PCDHA8: variants seen among roughly 807,000 people sequenced by gnomAD.
The protein encoded by PCDHA8 is protocadherin alpha-8.
Under a neutral mutation model 61.8 loss-of-function variants are expected in PCDHA8, and 53 were observed. The observed-to-expected ratio is 0.86, with a 90% CI of 0.69 to 1.08. PCDHA8 has a LOEUF of 1.08. Among genes scored for constraint, PCDHA8 ranks in the 50% least tolerant of loss-of-function variants. PCDHA8 has a pLI of 0.00. For synonymous variants in PCDHA8, 618 were observed against 556.6 expected, an observed-to-expected ratio of 1.11 and a Z score of -1.55; for missense variants, 1,293 against 1,245.0, an observed-to-expected ratio of 1.04 and a Z score of -0.58.
At chr5:140,851,092 A>T (rs371116217) in intron 1 of PCDHA8, 1 of 1,292,902 alleles carries the variant, frequency 7.7e-7, no homozygotes, top group African/African-American at 1.5e-5. Flanking sequence ...TATTAAATAG[A>T]TATTTTTTGG....
intron 1 of PCDHA8, among the ~76,000 whole-genome samples, chr5:140,907,240 A>G (rs563432322): frequency 5.3e-5 from 8 of 152,310 alleles, no homozygotes; most frequent in Admixed American, 5.2e-4. Context: ...CCTAGTTGAC[A>G]TTGTAATTGT....
At chr5:140,988,698 A>AT (rs782470160) in intron 3 of PCDHA8, among the ~76,000 whole-genome samples, 115 of 152,234 alleles carry the variant, frequency 7.6e-4, no homozygotes, top group Middle Eastern at 6.8e-3. Flanking sequence ...GACGCTCTGT[A>AT]TTTTCTTGGA....
intron 1 of PCDHA8, among the ~76,000 whole-genome samples, chr5:140,918,378 T>C (rs2078665832): frequency 6.6e-6 from 1 of 152,192 alleles, no homozygotes; most frequent in South Asian, 2.1e-4. Flanking sequence ...GGATGCCTTT[T>C]ATTTCTTTCT....
At position 140,851,093 on chromosome 5, in the gene PCDHA8, T is replaced by C. The variant is rs1043292821; in HGVS notation, c.2394+7378T>C. On this transcript the variant is annotated intron_variant, in intron 1 of 3. Coordinates refer to ENST00000531613, the MANE Select transcript of PCDHA8 (RefSeq NM_018911.3). Reference sequence around the variant, plus strand: ...AATTATAAACTGTATATTAAATAGATATTTTTTGGGTGCTGAATCAATTTT... The same window carrying C: ...AATTATAAACTGTATATTAAATAGACATTTTTTGGGTGCTGAATCAATTTT... 2 of 1,294,092 alleles carry C rather than the reference T, an allele frequency of 1.5e-6. 1 individual carries two copies. The highest frequency in any genetic ancestry group is 2.0e-6 in the Non-Finnish European group (2 of 996,006). The allele number at this position is 1,294,092 out of a possible 1,614,324, so 80.2% of individuals were successfully genotyped here.
rs371868883 is a variant in PCDHA8 at position 140,856,649 on chromosome 5, C to A, written c.2394+12934C>A. ...GCTTGTTCTGCGGAAGCTGCTGGAT[C>A]GTGAAGAAAATCCTCAGCTAAAGTT... On this transcript the variant is annotated intron_variant, in intron 1 of 3. Transcript: ENST00000531613. 8 of 1,598,072 alleles carry A rather than the reference C, an allele frequency of 5.0e-6. 2 individuals carry two copies. The African/African-American group carries it at 6.7e-5, about 13-fold the overall frequency.
intron 1 of PCDHA8, chr5:140,875,462 C>T (rs1333440854): frequency 6.3e-7 from 1 of 1,598,882 alleles, no homozygotes; most frequent in Non-Finnish European, 8.5e-7. Flanking sequence ...CAGAGGCCCT[C>T]ATTTTCTGCA....
intron 1 of PCDHA8, among the ~76,000 whole-genome samples, chr5:140,904,645 T>A (rs1554191647): frequency 6.6e-6 from 1 of 152,128 alleles, no homozygotes; most frequent in Non-Finnish European, 1.5e-5. Context: ...CTCCACACTG[T>A]TTTCCATAGT....
chr5:140,927,363 GAT>G (rs1188531316), intron 1 of PCDHA8: 33 of 1,613,946 alleles, frequency 2.0e-5, no homozygotes, highest in Non-Finnish European at 2.7e-5. Context: ...GAAGCAATGG[GAT>G]ACTAAGCTAC....
chr5:140,869,509 A>G (rs199564677), intron 1 of PCDHA8: 13 of 1,614,206 alleles, frequency 8.1e-6, no homozygotes, highest in Middle Eastern at 1.6e-4. Context: ...GTTCTCGCTC[A>G]GAGAACAAAA....
chr5:140,961,647 G>C (rs1204313600), intron 1 of PCDHA8, among the ~76,000 whole-genome samples: 10 of 152,104 alleles, frequency 6.6e-5, no homozygotes, highest in African/African-American at 2.4e-4. Flanking sequence ...AAGTCTATGT[G>C]GTTAGTTTGA....
At chr5:140,957,134 T>C (rs2095335911) in intron 1 of PCDHA8, among the ~76,000 whole-genome samples, 1 of 152,210 alleles carries the variant, frequency 6.6e-6, no homozygotes, top group Admixed American at 6.5e-5. Flanking sequence ...TACTACACTA[T>C]GAACTAAAAA....
chr5:140,883,494 T>C, intron 1 of PCDHA8: 1 of 1,614,208 alleles, frequency 6.2e-7, no homozygotes, highest in Non-Finnish European at 8.5e-7. Flanking sequence ...TCATTAGTGC[T>C]GGACAGCGCC....
intron 1 of PCDHA8, among the ~76,000 whole-genome samples, chr5:140,961,949 T>G (rs868952671): frequency 2.0e-5 from 3 of 151,876 alleles, no homozygotes; most frequent in Non-Finnish European, 4.4e-5. Context: ...AGTGGCATGA[T>G]CTCGGCTCAC....
At position 140,852,434 on chromosome 5, in the gene PCDHA8, C is replaced by T. The variant is rs2150516775; in HGVS notation, c.2394+8719C>T. On this transcript the variant is annotated intron_variant, in intron 1 of 3. Transcript: ENST00000531613. ...CTGGGATTATAGGCACATGCCACCG[C>T]GCCCAGCTAATTTTTGTATTTTTAG... 6.7e-4 allele frequency: 121 copies of T among 181,038 alleles called. 6 individuals carry two copies. The highest frequency in any genetic ancestry group is 3.4e-4 in the Admixed American group (5 of 14,894). The allele number at this position is 181,038 out of a possible 1,614,324, so 11.2% of individuals were successfully genotyped here. A position where few individuals can be genotyped will look rare whatever the true frequency, so the allele number is the denominator to read the frequency against.
intron 1 of PCDHA8, chr5:140,884,070 C>T: frequency 1.2e-6 from 2 of 1,613,516 alleles, no homozygotes; most frequent in Non-Finnish European, 1.7e-6. Context: ...GACGCCGATT[C>T]GGGCTACAAT....
intron 1 of PCDHA8, among the ~76,000 whole-genome samples, chr5:140,922,895 A>G (rs2153566398): frequency 6.6e-6 from 1 of 152,340 alleles, no homozygotes; most frequent in East Asian, 1.9e-4. Context: ...ATTCAAGAAA[A>G]AATTTTGAGA....
chr5:140,878,848 G>T (rs1477391344), intron 1 of PCDHA8, among the ~76,000 whole-genome samples: 1 of 152,138 alleles, frequency 6.6e-6, no homozygotes, highest in Non-Finnish European at 1.5e-5. Context: ...GAACTTCTGG[G>T]TTCAACTGAT....
chr5:140,869,677 C>T, intron 1 of PCDHA8: 1 of 1,613,420 alleles, frequency 6.2e-7, no homozygotes, highest in Non-Finnish European at 8.5e-7. Flanking sequence ...GATTAAAAGA[C>T]TGTCACTTAT....
intron 1 of PCDHA8, chr5:140,862,649 C>A: frequency 3.7e-6 from 2 of 543,104 alleles, no homozygotes; most frequent in South Asian, 1.4e-5. Context: ...ACAGTGTCCG[C>A]GCGGGACCGG....
Sources: allele counts gnomAD v4.1 joint callset (sites outside exome capture counted in the v4.1 genomes callset), GRCh38; gene constraint gnomAD v4.1.1; transcripts MANE v1.5; gene names NCBI Gene and HGNC (gene_info 2026-07-23, HGNC 2026-07-21).